The following TRAPPC9 variants were observed in gnomAD, a reference collection of about 807,000 sequenced individuals.
TRAPPC9 encodes the protein IKK2 binding protein.
Under a neutral mutation model 124.0 loss-of-function variants are expected in TRAPPC9, and 83 were observed. The ratio of observed to expected loss-of-function variants is 0.67; its 90% CI spans 0.56 to 0.80. The LOEUF is 0.80. TRAPPC9 is among the 30% of genes least tolerant of loss of function. The pLI is 0.00. For synonymous variants in TRAPPC9, 638 were observed against 617.5 expected, an observed-to-expected ratio of 1.03 and a Z score of -0.49; for missense variants, 1,302 against 1,508.3, an observed-to-expected ratio of 0.86 and a Z score of 2.27.
At position 140,018,000 on chromosome 8, in the gene TRAPPC9, C is replaced by A. The variant is rs1177909716; in HGVS notation, c.2699+5937G>T. On this transcript the variant is annotated intron_variant, in intron 18 of 22. Transcript: ENST00000438773. Reference sequence around the variant, plus strand: ...CTGGGACTACAGGCATCCACCACCACACCCAGTTAATTTTTGTATTTTTTA... The same window carrying A: ...CTGGGACTACAGGCATCCACCACCAAACCCAGTTAATTTTTGTATTTTTTA... Among the ~76,000 whole-genome samples the A allele has an allele frequency of 2.0e-5, 3 of 152,214 alleles. No individual in the cohort carries two copies. In the East Asian group the frequency reaches 5.8e-4, roughly 29 times the overall value.
intron 19 of TRAPPC9, among the ~76,000 whole-genome samples, chr8:139,965,348 T>C (rs1231205692): frequency 6.6e-6 from 1 of 152,124 alleles, no homozygotes; most frequent in African/African-American, 2.4e-5. Context: ...AAAGCCACCT[T>C]TTCCCCAGGA....
intron 21 of TRAPPC9, among the ~76,000 whole-genome samples, chr8:139,830,211 TAC>T (rs1217068516): frequency 6.6e-6 from 1 of 151,592 alleles, no homozygotes; most frequent in African/African-American, 2.4e-5. Flanking sequence ...CACACATGCA[TAC>T]ACACACAAAT....
chr8:139,858,945 C>G (rs1036469248), intron 21 of TRAPPC9, among the ~76,000 whole-genome samples: 1 of 147,804 alleles, frequency 6.8e-6, no homozygotes, highest in South Asian at 2.3e-4. Flanking sequence ...GAAGCCGTCT[C>G]CTCTGCTTCT....
intron 17 of TRAPPC9, among the ~76,000 whole-genome samples, chr8:140,062,036 A>C (rs1466556714): frequency 6.6e-6 from 1 of 152,148 alleles, no homozygotes; most frequent in Non-Finnish European, 1.5e-5. Flanking sequence ...ACACTCAAAC[A>C]CAATACACGC....
Position 140,291,205 on chromosome 8 carries a change from G to A in TRAPPC9, c.1769-127C>T, listed in dbSNP as rs2131762774. 2.7e-5 allele frequency: 23 copies of A among 851,686 alleles called. No individual in the cohort carries two copies. The South Asian group carries it at 3.1e-4, about 12-fold the overall frequency. 52.8% of individuals were successfully genotyped at this position (851,686 alleles called of 1,614,324 possible). On this transcript the variant is annotated intron_variant, in intron 11 of 22. Transcript: ENST00000438773. The stretch of plus-strand genomic sequence containing the variant: ...AGGCAGCAGGCTCTATGATCTTCTT[G>A]AGATGGGTGATTCAAAGCTGCTTTT...
chr8:140,421,110 A>C (rs1171855546), intron 5 of TRAPPC9, among the ~76,000 whole-genome samples: 1 of 152,218 alleles, frequency 6.6e-6, no homozygotes, highest in African/African-American at 2.4e-5. Context: ...AGACAGTGGA[A>C]TTCTGTGCAT....
chr8:140,075,658 C>T (rs544495215), intron 17 of TRAPPC9, among the ~76,000 whole-genome samples: 53 of 152,342 alleles, frequency 3.5e-4, no homozygotes, highest in African/African-American at 1.2e-3. Flanking sequence ...AAAGTGAGCA[C>T]GGCACAGCAT....
chr8:140,151,493 T>A (rs2130828569), intron 17 of TRAPPC9, among the ~76,000 whole-genome samples: 1 of 152,312 alleles, frequency 6.6e-6, no homozygotes, highest in Non-Finnish European at 1.5e-5. Context: ...CCTCTCTCCT[T>A]GGCTTGCAGA....
intron 2 of TRAPPC9, among the ~76,000 whole-genome samples, chr8:140,449,715 T>A (rs2071389857): frequency 6.6e-6 from 1 of 152,194 alleles, no homozygotes; most frequent in African/African-American, 2.4e-5. Context: ...TTCGACACTG[T>A]GGCCATCAGG....
chr8:140,115,912 T>TA (rs1324773228), intron 17 of TRAPPC9, among the ~76,000 whole-genome samples: 5 of 152,178 alleles, frequency 3.3e-5, no homozygotes, highest in Non-Finnish European at 7.3e-5. Context: ...CGTGAACACC[T>TA]ATAAGACCAC....
intron 21 of TRAPPC9, among the ~76,000 whole-genome samples, chr8:139,818,518 G>A (rs1389890962): frequency 6.6e-6 from 1 of 152,138 alleles, no homozygotes; most frequent in Non-Finnish European, 1.5e-5. Flanking sequence ...AGAGGTTGCA[G>A]TGAGCTGAGA....
intron 18 of TRAPPC9, among the ~76,000 whole-genome samples, chr8:140,006,821 C>G (rs529982622): frequency 9.2e-5 from 14 of 151,824 alleles, no homozygotes; most frequent in Non-Finnish European, 1.8e-4. Flanking sequence ...GCCTAGGGTG[C>G]GGGAGGGAAG....
chr8:139,937,035 T>G (rs907556790), intron 19 of TRAPPC9, among the ~76,000 whole-genome samples: 3 of 144,452 alleles, frequency 2.1e-5, no homozygotes, highest in Admixed American at 1.4e-4. Flanking sequence ...GTATAAAGCA[T>G]GGAGAGAGTG....
At chr8:139,738,328 C>A (rs1381420674) in intron 21 of TRAPPC9, among the ~76,000 whole-genome samples, 1 of 152,206 alleles carries the variant, frequency 6.6e-6, no homozygotes, top group Non-Finnish European at 1.5e-5. Flanking sequence ...ATGTGGTTGA[C>A]AAAATAATGT....
intron 21 of TRAPPC9, among the ~76,000 whole-genome samples, chr8:139,866,558 A>G (rs776240486): frequency 6.6e-6 from 1 of 152,112 alleles, no homozygotes; most frequent in Non-Finnish European, 1.5e-5. Context: ...TGGGATGGAG[A>G]TGGCAGATTG....
intron 7 of TRAPPC9, among the ~76,000 whole-genome samples, chr8:140,376,881 A>G (rs1298274015): frequency 6.6e-6 from 1 of 151,928 alleles, no homozygotes; most frequent in Non-Finnish European, 1.5e-5. Flanking sequence ...CTCAAAAAAA[A>G]AAAAAAAAAA....
At position 139,997,483 on chromosome 8, in the gene TRAPPC9, A is replaced by G. The variant is rs568462064; in HGVS notation, c.2700-8647T>C. Among the ~76,000 whole-genome samples, 277 of 77,604 alleles carry G rather than the reference A, an allele frequency of 3.6e-3. 1 individual carries two copies. Among genetic ancestry groups the G allele is most frequent in the Middle Eastern group, 0.011 (1 of 94 alleles). The allele number at this position is 77,604 out of a possible 152,430, so 50.9% of individuals were successfully genotyped here. ...CAATATATCCCACACAGGGGAGACA[A>G]TGCATTCCACACAGGGGAGACAATG... On this transcript the variant is annotated intron_variant, in intron 18 of 22. Coordinates refer to ENST00000438773, the MANE Select transcript of TRAPPC9 (RefSeq NM_001160372.4).
At chr8:140,264,464 G>C (rs1287033280) in intron 15 of TRAPPC9, among the ~76,000 whole-genome samples, 1 of 151,906 alleles carries the variant, frequency 6.6e-6, no homozygotes, top group Non-Finnish European at 1.5e-5. Context: ...TTTAATGAAA[G>C]TATACCTTTA....
chr8:140,457,779 G>C, upstream of TRAPPC9: 3 of 1,003,478 alleles, frequency 3.0e-6, no homozygotes, highest in Non-Finnish European at 3.6e-6. Flanking sequence ...GCGCGTGCGC[G>C]GAGGCCAGGC....
Sources: gnomAD v4.1 joint callset for allele counts (sites outside exome capture counted in the v4.1 genomes callset) on GRCh38, gnomAD v4.1.1 for gene constraint, MANE v1.5 for transcripts, NCBI Gene and HGNC (gene_info 2026-07-23, HGNC 2026-07-21) for gene names.